The following NFKB1 variants were observed in gnomAD, a reference collection of about 807,000 sequenced individuals.
The protein encoded by NFKB1 is nuclear factor kappa B subunit 1.
NFKB1 carries 9 observed loss-of-function variants against 105.1 expected under a neutral mutation model. That is an observed-to-expected ratio of 0.09 (90% CI 0.05 to 0.15). The LOEUF (loss-of-function observed/expected upper bound fraction) is 0.15. Among genes scored for constraint, NFKB1 ranks in the 10% least tolerant of loss-of-function variants. NFKB1 has a pLI of 1.00. For missense variants in NFKB1, 830 were observed against 1,203.7 expected, an observed-to-expected ratio of 0.69 and a Z score of 4.59; for synonymous variants, 440 against 442.2, an observed-to-expected ratio of 1.00 and a Z score of 0.06.
In NFKB1 at chr4:102,596,298, A is replaced by G. The variant is rs901496847; in HGVS notation, c.1461A>G (p.Ala487=). The part of the protein sequence containing the change: ...VGNGEVTLTY[A]TGTKEESAGV... Reference sequence around the variant, plus strand: ...ATGGTGAGGTCACTCTAACGTATGCAACAGGAACAAAAGAAGAGAGTGCTG... The same window carrying G: ...ATGGTGAGGTCACTCTAACGTATGCGACAGGAACAAAAGAAGAGAGTGCTG... Residue 487 remains alanine, a synonymous_variant, in exon 14 of 24, where the codon GCA becomes GCG. Transcript: ENST00000226574. 2 of 1,611,620 alleles carry G rather than the reference A, an allele frequency of 1.2e-6. No individual in the cohort carries two copies. Among genetic ancestry groups the G allele is most frequent in the African/African-American group, 2.7e-5 (2 of 74,884 alleles).
chr4:102,510,265 G>A (rs1378105467), intron 1 of NFKB1, among the ~76,000 whole-genome samples: 1 of 152,190 alleles, frequency 6.6e-6, no homozygotes, highest in Non-Finnish European at 1.5e-5. Flanking sequence ...TTGAGGGCAA[G>A]GAGTTCATCT....
At chr4:102,597,785 T>C (rs1726759324) in intron 15 of NFKB1, 124 bp downstream of exon 15, 1 of 1,152,264 alleles carries the variant, frequency 8.7e-7, no homozygotes. Flanking sequence ...ACTGGAATGA[T>C]GAAGAAAAAT....
chr4:102,533,982 G>T (rs1470650245), intron 4 of NFKB1, 97 bp downstream of exon 4: 7 of 1,047,092 alleles, frequency 6.7e-6, no homozygotes, highest in Non-Finnish European at 8.5e-6. Flanking sequence ...TATGAAGGAA[G>T]TAGTTTATCT....
At chr4:102,507,876 T>C (rs1379413465) in intron 1 of NFKB1, among the ~76,000 whole-genome samples, 1 of 152,164 alleles carries the variant, frequency 6.6e-6, no homozygotes, top group Non-Finnish European at 1.5e-5. Flanking sequence ...AGACGTCAAT[T>C]CTACCATATA....
intron 6 of NFKB1, among the ~76,000 whole-genome samples, 190 bp from the exon 7 acceptor site, chr4:102,576,686 A>G (rs1476712185): frequency 1.3e-5 from 2 of 152,192 alleles, no homozygotes; most frequent in African/African-American, 4.8e-5. Context: ...TATGCAGTAT[A>G]GGCCATATAT....
Position 102,573,030 on chromosome 4 carries a change from C to T in NFKB1, c.408-3846C>T, listed in dbSNP as rs565254207. 5.9e-5 allele frequency among the ~76,000 whole-genome samples: 9 copies of T among 152,114 alleles called. 1 individual carries two copies. The South Asian group carries it at 1.0e-3, about 18-fold the overall frequency. On this transcript the variant is annotated intron_variant, in intron 6 of 23. Coordinates refer to ENST00000226574, the MANE Select transcript of NFKB1 (RefSeq NM_003998.4). ...AGTATAGAATTTTAGGTAGACAGGC[C>T]GGGCGCAGTGGCTCACGCCTGAAAT...
In NFKB1 at chr4:102,596,339, G is replaced by A; in HGVS notation, c.1495+7G>A. On this transcript the variant is annotated splice_region_variant and intron_variant, in intron 14 of 23. Coordinates refer to ENST00000226574, the MANE Select transcript of NFKB1 (RefSeq NM_003998.4). ...GAGAGTGCTGGAGTTCAGGGTAAGT[G>A]AGCACACAAATTACGTTCTGTTGGT... The A allele has an allele frequency of 6.3e-7, 1 of 1,595,300 alleles. No individual in the cohort carries two copies. The highest frequency in any genetic ancestry group is 8.6e-7 in the Non-Finnish European group (1 of 1,167,640).
At chr4:102,546,507 A>G (rs954504945) in intron 5 of NFKB1, among the ~76,000 whole-genome samples, 2 of 152,292 alleles carry the variant, frequency 1.3e-5, no homozygotes, top group African/African-American at 2.4e-5. Flanking sequence ...GAAAAAAAAT[A>G]TAACATTTTC....
chr4:102,606,398 A>C, intron 16 of NFKB1, 98 bp from the exon 17 acceptor site: 1 of 1,122,184 alleles, frequency 8.9e-7, no homozygotes, highest in Non-Finnish European at 1.3e-6. Context: ...ATATTCCTGC[A>C]GTATGGCCCC....
intron 4 of NFKB1, among the ~76,000 whole-genome samples, chr4:102,535,498 TAA>T (rs1384535534): frequency 6.6e-6 from 1 of 152,158 alleles, no homozygotes; most frequent in Non-Finnish European, 1.5e-5. Context: ...TCAGTGAAAG[TAA>T]GAAGGTTGTA....
At chr4:102,516,342 ATTTTTTCTGTC>A (rs1252186758) in intron 1 of NFKB1, among the ~76,000 whole-genome samples, 3 of 151,758 alleles carry the variant, frequency 2.0e-5, no homozygotes, top group African/African-American at 7.3e-5. Context: ...TTTTTTGAAT[ATTTTTTCTGTC>A]TTTTTTCTGT....
At chr4:102,604,843 A>G (rs575063453) in intron 16 of NFKB1, among the ~76,000 whole-genome samples, 1 of 152,006 alleles carries the variant, frequency 6.6e-6, no homozygotes, top group Non-Finnish European at 1.5e-5. Flanking sequence ...GCTTTCCAGA[A>G]TGTCTGTGTA....
chr4:102,557,763 G>T (rs1723098087), intron 5 of NFKB1, among the ~76,000 whole-genome samples: 1 of 152,210 alleles, frequency 6.6e-6, no homozygotes, highest in Non-Finnish European at 1.5e-5. Context: ...GTACAAGGGG[G>T]TGTCTTGGAA....
chr4:102,572,620 A>G (rs531394144), intron 6 of NFKB1, among the ~76,000 whole-genome samples: 10 of 152,182 alleles, frequency 6.6e-5, no homozygotes, highest in Non-Finnish European at 1.3e-4. Context: ...AGCATCTGTT[A>G]TCTTTTGACT....
intron 1 of NFKB1, among the ~76,000 whole-genome samples, chr4:102,521,856 A>T (rs1365476112): frequency 6.6e-6 from 1 of 152,224 alleles, no homozygotes; most frequent in Non-Finnish European, 1.5e-5. Flanking sequence ...GCTAGTTGTA[A>T]CATTATGTTT....
intron 5 of NFKB1, chr4:102,557,071 G>A (rs1052114116): frequency 6.6e-6 from 1 of 152,176 alleles, no homozygotes; most frequent in Non-Finnish European, 1.5e-5. Context: ...AATTAGGAGA[G>A]GATATGTGAA....
intron 5 of NFKB1, among the ~76,000 whole-genome samples, chr4:102,563,848 T>G (rs1227644940): frequency 1.4e-5 from 2 of 140,466 alleles, no homozygotes; most frequent in Non-Finnish European, 3.0e-5. Flanking sequence ...TTAAACGGAG[T>G]CTTGCTCTGT....
At chr4:102,559,200 G>A (rs1378157970) in intron 5 of NFKB1, among the ~76,000 whole-genome samples, 5 of 152,146 alleles carry the variant, frequency 3.3e-5, no homozygotes, top group Non-Finnish European at 7.4e-5. Context: ...AGATAGCCTA[G>A]GGCCTTGTAA....
At chr4:102,541,771 A>G (rs1236848782) in intron 5 of NFKB1, among the ~76,000 whole-genome samples, 1 of 152,168 alleles carries the variant, frequency 6.6e-6, no homozygotes, top group African/African-American at 2.4e-5. Context: ...CATTTGCCAC[A>G]TATTCATTAA....
Sources: gnomAD v4.1 joint callset for allele counts (sites outside exome capture counted in the v4.1 genomes callset) on GRCh38, gnomAD v4.1.1 for gene constraint, MANE v1.5 for transcripts, NCBI Gene and HGNC (gene_info 2026-07-23, HGNC 2026-07-21) for gene names.